The following GPC5 variants were observed in gnomAD, a reference collection of about 807,000 sequenced individuals.
GPC5 encodes glypican 5.
Under a neutral mutation model 53.9 loss-of-function variants are expected in GPC5, and 47 were observed. The ratio of observed to expected loss-of-function variants is 0.87; its 90% CI spans 0.69 to 1.11. The LOEUF is 1.11. Ranked by LOEUF, GPC5 falls within the 50% of genes most tolerant of loss-of-function variation. The pLI is 0.00. For synonymous variants in GPC5, 286 were observed against 263.3 expected (o/e 1.09, Z -0.84); for missense variants, 748 against 713.1 (o/e 1.05, Z -0.56).
At chr13:92,769,852 G>A (rs1027841262) in intron 7 of GPC5, among the ~76,000 whole-genome samples, 1 of 152,124 alleles carries the variant, frequency 6.6e-6, no homozygotes, top group African/African-American at 2.4e-5. Context: ...CAGATAATCA[G>A]GTAGACCTTG....
intron 5 of GPC5, among the ~76,000 whole-genome samples, chr13:91,837,171 C>T (rs2038730953): frequency 6.6e-6 from 1 of 151,502 alleles, no homozygotes; most frequent in South Asian, 2.1e-4. Context: ...AGTAACTTTC[C>T]AATAAATCAA....
chr13:91,482,016 A>C (rs924042204), intron 2 of GPC5, among the ~76,000 whole-genome samples: 6 of 152,216 alleles, frequency 3.9e-5, no homozygotes, highest in African/African-American at 1.4e-4. Context: ...CTAATAGAAT[A>C]TCCCATATCC....
At chr13:92,498,578 C>T (rs1303770453) in intron 7 of GPC5, among the ~76,000 whole-genome samples, 1 of 152,084 alleles carries the variant, frequency 6.6e-6, no homozygotes, top group African/African-American at 2.4e-5. Context: ...AGAGGGACAG[C>T]TTAAAAACTG....
intron 7 of GPC5, among the ~76,000 whole-genome samples, chr13:92,217,109 G>A (rs1008964531): frequency 1.3e-5 from 2 of 152,046 alleles, no homozygotes; most frequent in African/African-American, 4.8e-5. Context: ...TCTAAAGATA[G>A]TGATGGCTTG....
At position 92,310,497 on chromosome 13, in the gene GPC5, A is replaced by G. The variant is rs931843577; in HGVS notation, c.1561+165508A>G. Among the ~76,000 whole-genome samples the G allele has an allele frequency of 3.3e-5, 5 of 152,276 alleles. No individual in the cohort carries two copies. In the East Asian group the frequency reaches 9.6e-4, roughly 29 times the overall value. On this transcript the variant is annotated intron_variant, in intron 7 of 7. Coordinates refer to ENST00000377067, the MANE Select transcript of GPC5 (RefSeq NM_004466.6). ...TAACAGCTGTACCTTTCTGGAAAAC[A>G]GAAATGTGGTTTAATTGTTGCATTG...
intron 7 of GPC5, among the ~76,000 whole-genome samples, chr13:92,858,737 A>C (rs1720794986): frequency 6.6e-6 from 1 of 152,146 alleles, no homozygotes; most frequent in African/African-American, 2.4e-5. Flanking sequence ...GGATCACCAG[A>C]AGTCCAAGCC....
At chr13:91,777,878 A>G (rs746437895) in intron 5 of GPC5, among the ~76,000 whole-genome samples, 16 of 152,304 alleles carry the variant, frequency 1.1e-4, no homozygotes, top group South Asian at 4.1e-4. Context: ...TCATAGTGAC[A>G]TCTTGCAGTG....
Position 92,553,061 on chromosome 13 carries a change from C to T in GPC5, c.1562-313221C>T, listed in dbSNP as rs189029405. On this transcript the variant is annotated intron_variant, in intron 7 of 7. Transcript: ENST00000377067. Reference sequence around the variant, plus strand: ...TTCTAGAATAGGTATCTACATACCTCCTAATCATTTCCACCCATGAGCAAC... The same window carrying T: ...TTCTAGAATAGGTATCTACATACCTTCTAATCATTTCCACCCATGAGCAAC... Among the ~76,000 whole-genome samples the T allele has an allele frequency of 4.3e-4, 66 of 152,028 alleles. 1 individual carries two copies. The highest frequency in any genetic ancestry group is 1.4e-3 in the African/African-American group (57 of 41,524).
chr13:91,473,203 T>A (rs627351), intron 2 of GPC5, among the ~76,000 whole-genome samples: 148,743 of 152,136 alleles, frequency 0.98, 72,819 homozygotes, highest in Middle Eastern at 1. Context: ...CCCATGATCC[T>A]ATCACATCCC....
At chr13:92,606,693 A>G (rs778184626) in intron 7 of GPC5, among the ~76,000 whole-genome samples, 21 of 152,266 alleles carry the variant, frequency 1.4e-4, no homozygotes, top group African/African-American at 2.2e-4. Context: ...CATCCTACAT[A>G]TTTAATACTG....
rs35563055 is a variant in GPC5 at position 92,422,533 on chromosome 13, A to ACACACCC, written c.1561+277545_1561+277546insACACCCC. On this transcript the variant is annotated intron_variant, in intron 7 of 7. Coordinates refer to ENST00000377067, the MANE Select transcript of GPC5 (RefSeq NM_004466.6). ...ACACACACACACACACACACACACA[A>ACACACCC]CTTCTTGGAAAGAAAAGTATTCCCC... Among the ~76,000 whole-genome samples, 87 of 122,160 alleles carry ACACACCC rather than the reference A, an allele frequency of 7.1e-4. 1 individual carries two copies. Among genetic ancestry groups the ACACACCC allele is most frequent in the African/African-American group, 2.5e-3 (63 of 25,474 alleles). The allele number at this position is 122,160 out of a possible 152,430, so 80.1% of individuals were successfully genotyped here.
chr13:91,640,379 G>A (rs1470478877), intron 2 of GPC5, among the ~76,000 whole-genome samples: 2 of 152,142 alleles, frequency 1.3e-5, no homozygotes, highest in East Asian at 1.9e-4. Flanking sequence ...CATGATAAAA[G>A]CTCAACGTTC....
At chr13:92,642,544 C>T (rs547245663) in intron 7 of GPC5, among the ~76,000 whole-genome samples, 67 of 152,298 alleles carry the variant, frequency 4.4e-4, no homozygotes, top group Non-Finnish European at 7.5e-4. Flanking sequence ...TTGAAGAGGA[C>T]GCCATCTCTG....
chr13:92,029,075 C>T (rs972658558), intron 6 of GPC5, among the ~76,000 whole-genome samples: 2 of 152,068 alleles, frequency 1.3e-5, no homozygotes, highest in African/African-American at 2.4e-5. Flanking sequence ...TCTCATATGA[C>T]CTGGAAATCT....
At chr13:92,024,577 A>G (rs2040785637) in intron 6 of GPC5, among the ~76,000 whole-genome samples, 1 of 152,124 alleles carries the variant, frequency 6.6e-6, no homozygotes, top group South Asian at 2.1e-4. Flanking sequence ...AGCATGCAAT[A>G]CTGTCATGAC....
At chr13:92,047,464 G>A (rs1022622256) in intron 6 of GPC5, among the ~76,000 whole-genome samples, 35 of 148,370 alleles carry the variant, frequency 2.4e-4, no homozygotes, top group Non-Finnish European at 3.0e-4. Context: ...TTATTTCTAT[G>A]ATCATCCAGT....
intron 1 of GPC5, among the ~76,000 whole-genome samples, chr13:91,429,714 C>G (rs553472776): frequency 6.6e-6 from 1 of 152,146 alleles, no homozygotes; most frequent in Non-Finnish European, 1.5e-5. Context: ...GTCAGTGGCT[C>G]TCAATATTCA....
At chr13:92,626,080 T>C (rs1885035822) in intron 7 of GPC5, among the ~76,000 whole-genome samples, 1 of 152,186 alleles carries the variant, frequency 6.6e-6, no homozygotes, top group East Asian at 1.9e-4. Context: ...TTGAAGTAAA[T>C]CATTTATTTT....
intron 2 of GPC5, among the ~76,000 whole-genome samples, chr13:91,527,313 C>T (rs1014831022): frequency 6.6e-6 from 1 of 152,192 alleles, no homozygotes; most frequent in African/African-American, 2.4e-5. Flanking sequence ...TTGGCCAAAG[C>T]AAAGTGGCCA....
Sources: gnomAD v4.1 joint callset for allele counts (sites outside exome capture counted in the v4.1 genomes callset) on GRCh38, gnomAD v4.1.1 for gene constraint, MANE v1.5 for transcripts, NCBI Gene and HGNC (gene_info 2026-07-23, HGNC 2026-07-21) for gene names.